Variants in ENPP3 observed in about 807,000 individuals in gnomAD.
ENPP3 encodes ectonucleotide pyrophosphatase/phosphodiesterase family member 3.
Under a neutral mutation model 117.8 loss-of-function variants are expected in ENPP3, and 104 were observed. The ratio of observed to expected loss-of-function variants is 0.88; its 90% CI spans 0.75 to 1.04. ENPP3 has a LOEUF of 1.04. Among genes scored for constraint, ENPP3 ranks in the 50% least tolerant of loss-of-function variants. The pLI is 0.00. For missense variants in ENPP3, 1,026 were observed against 1,051.9 expected (o/e 0.98, Z 0.34); for synonymous variants, 380 against 349.9 (o/e 1.09, Z -0.96).
Position 131,652,615 on chromosome 6 carries a change from T to A in ENPP3, c.351T>A (p.Asp117Glu), listed in dbSNP as rs897364064. ...AGGCCAGCCTTTGCTCTTGTTCAGA[T>A]GACTGTTTGCAGAGGAAAGATTGCT... ...RLEASLCSCS[D>E]DCLQRKDCCA... Residue 117 changes from aspartate (D) to glutamate (E), a missense_variant, in exon 4 of 25, where the codon GAT becomes GAA. Asp to Glu is a conservative substitution (Grantham distance 45, BLOSUM62 2). Coordinates refer to ENST00000357639, the MANE Select transcript of ENPP3 (RefSeq NM_005021.5). 1.2e-6 allele frequency: 2 copies of A among 1,614,106 alleles called. No homozygotes were observed. The highest frequency in any genetic ancestry group is 1.1e-5 in the South Asian group (1 of 91,080).
In ENPP3 at chr6:131,733,439, C is replaced by T; in HGVS notation, c.1954-149C>T. 4.1e-6 allele frequency: 3 copies of T among 735,690 alleles called. No homozygotes were observed. In the South Asian group the frequency reaches 7.5e-5, roughly 18 times the overall value. The allele number at this position is 735,690 out of a possible 1,614,324, so 45.6% of individuals were successfully genotyped here. On this transcript the variant is annotated intron_variant, in intron 20 of 24. Coordinates refer to ENST00000357639, the MANE Select transcript of ENPP3 (RefSeq NM_005021.5). The stretch of plus-strand genomic sequence containing the variant: ...CCACAGAAGAAAACACTGCTGAAGA[C>T]ATCCATTCTCATTGCTTGCGTAGAC...
rs747301116 is a variant in ENPP3, at chr6:131,710,865, T to C, written c.1413-7807T>C. 2.9e-4 allele frequency: 469 copies of C among 1,611,206 alleles called. 2 individuals carry two copies. Among genetic ancestry groups the C allele is most frequent in the Middle Eastern group, 5.2e-4 (3 of 5,724 alleles). ...ACAAAAAAAGGAGAACAACAAAAAATCCAATAACAGCTGCACATACCACCA... is the reference window on the plus strand; with the variant it reads ...ACAAAAAAAGGAGAACAACAAAAAACCCAATAACAGCTGCACATACCACCA... On this transcript the variant is annotated intron_variant, in intron 15 of 24. Transcript: ENST00000357639.
chr6:131,700,865 T>C lies in ENPP3; in HGVS notation c.1412+7241T>C, dbSNP rs568702637. On this transcript the variant is annotated intron_variant, in intron 15 of 24. Coordinates refer to ENST00000357639, the MANE Select transcript of ENPP3 (RefSeq NM_005021.5). The stretch of plus-strand genomic sequence containing the variant: ...AGGCAAGTTTGAGAACAGCCAAGAT[T>C]TCACAAAAAAAGTGATAAATTTTCT... 6.8e-4 allele frequency: 766 copies of C among 1,128,024 alleles called. 60 individuals are homozygous for C. In the East Asian group the frequency reaches 0.015, roughly 22 times the overall value. The allele number at this position is 1,128,024 out of a possible 1,614,324, so 69.9% of individuals were successfully genotyped here.
chr6:131,650,213 T>C (rs554592075), intron 3 of ENPP3, 64 bp downstream of exon 3: 1 of 1,586,446 alleles, frequency 6.3e-7, no homozygotes, highest in East Asian at 2.2e-5. Context: ...CATGTCAAAT[T>C]TTTTTCTTTT....
chr6:131,723,984 A>T lies in ENPP3; in HGVS notation c.1747-56A>T, dbSNP rs1780092415. On this transcript the variant is annotated intron_variant, in intron 18 of 24. Coordinates refer to ENST00000357639, the MANE Select transcript of ENPP3 (RefSeq NM_005021.5). ...AACAATCTTGATTACCCCTTAAAAC[A>T]CATATTGTTGCTTTGACTTATTTCC... is the stretch of plus-strand genomic sequence containing the variant. 4 of 1,267,180 alleles carry T rather than the reference A, an allele frequency of 3.2e-6. No homozygotes were observed. In the South Asian group the frequency reaches 3.7e-5, roughly 12 times the overall value. 78.5% of individuals were successfully genotyped at this position (1,267,180 alleles called of 1,614,324 possible).
chr6:131,738,061 T>C lies in ENPP3; in HGVS notation c.2198T>C (p.Leu733Pro). 4 of 1,606,844 alleles carry C rather than the reference T, an allele frequency of 2.5e-6. No individual in the cohort carries two copies. Among genetic ancestry groups the C allele is most frequent in the Non-Finnish European group, 3.4e-6 (4 of 1,175,058 alleles). Residue 733 changes from leucine (L) to proline (P), a missense_variant, in exon 23 of 25, where the codon CTT becomes CCT. Leu to Pro is a moderately conservative substitution (Grantham distance 98). Transcript: ENST00000357639. The part of the protein sequence containing the change: ...KMWDYFHSVL[L>P]IKHATERNGV... ...TGGGACTACTTCCACAGTGTTCTTCTTATAAAACATGCCACAGAAAGAAAT... is the reference window on the plus strand; with the variant it reads ...TGGGACTACTTCCACAGTGTTCTTCCTATAAAACATGCCACAGAAAGAAAT...
chr6:131,742,725 T>G (rs1411760067), intron 24 of ENPP3, among the ~76,000 whole-genome samples: 1 of 152,020 alleles, frequency 6.6e-6, no homozygotes, highest in Non-Finnish European at 1.5e-5. Context: ...TCAATTGGAG[T>G]CCTTGAAATT....
At chr6:131,738,898 T>C (rs1780461286) in intron 23 of ENPP3, among the ~76,000 whole-genome samples, 1 of 152,182 alleles carries the variant, frequency 6.6e-6, no homozygotes, top group Admixed American at 6.5e-5. Flanking sequence ...TGTGTGGCCT[T>C]TTTCTATTTT....
chr6:131,677,657 T>C (rs1778898921), intron 10 of ENPP3, among the ~76,000 whole-genome samples: 1 of 152,146 alleles, frequency 6.6e-6, no homozygotes, highest in South Asian at 2.1e-4. Flanking sequence ...GGCGTACCAC[T>C]GCTTGTATCT....
intron 14 of ENPP3, among the ~76,000 whole-genome samples, chr6:131,688,896 C>CAAAAAAAAAAAAAAAAAA (rs34743742): frequency 1.1e-5 from 1 of 88,300 alleles, no homozygotes. Context: ...ACTAAAAATC[C>CAAAAAAAAAAAAAAAAAA]AAAAAAAAAA....
At chr6:131,700,548 T>C in intron 15 of ENPP3, 2 of 1,403,354 alleles carry the variant, frequency 1.4e-6, no homozygotes, top group South Asian at 2.5e-5. Context: ...GATAAGGGGA[T>C]TGAGCATGGG....
At chr6:131,736,594 T>TG (rs913629990) in intron 21 of ENPP3, among the ~76,000 whole-genome samples, 13 of 151,906 alleles carry the variant, frequency 8.6e-5, no homozygotes, top group Non-Finnish European at 1.8e-4. Context: ...AAGATGAGAT[T>TG]GGGGGGGACA....
intron 11 of ENPP3, among the ~76,000 whole-genome samples, chr6:131,679,004 T>TG (rs1163107965): frequency 1.4e-4 from 11 of 80,798 alleles, no homozygotes; most frequent in Non-Finnish European, 2.5e-4. Flanking sequence ...CTTCCTTGCT[T>TG]CCTTCCTTCC....
chr6:131,672,124 T>C (rs1023653751), intron 7 of ENPP3, among the ~76,000 whole-genome samples: 1 of 152,214 alleles, frequency 6.6e-6, no homozygotes, highest in African/African-American at 2.4e-5. Context: ...GTATAGTGCA[T>C]TTGTGGTCAT....
chr6:131,690,624 C>CT (rs1416471068), intron 14 of ENPP3, among the ~76,000 whole-genome samples: 1 of 152,088 alleles, frequency 6.6e-6, no homozygotes. Context: ...CAAGGTATGC[C>CT]TGTGGAGTAA....
intron 16 of ENPP3, among the ~76,000 whole-genome samples, chr6:131,719,601 T>A (rs997109290): frequency 2.0e-5 from 3 of 152,134 alleles, no homozygotes; most frequent in African/African-American, 7.2e-5. Context: ...GCAAGAAAAA[T>A]CTATGCTTCC....
chr6:131,677,782 A>C, intron 10 of ENPP3, 86 bp from the exon 11 acceptor site: 1 of 855,800 alleles, frequency 1.2e-6, no homozygotes, highest in South Asian at 1.5e-5. Flanking sequence ...AATGGCTAGC[A>C]AGCCCAAGAT....
chr6:131,688,735 G>T (rs1235283884), intron 14 of ENPP3, among the ~76,000 whole-genome samples: 1 of 151,938 alleles, frequency 6.6e-6, no homozygotes, highest in Non-Finnish European at 1.5e-5. Context: ...AGCTAGCAGG[G>T]GTTTGTTAGT....
chr6:131,637,985 A>G (rs1777962532), intron 1 of ENPP3, among the ~76,000 whole-genome samples: 1 of 145,052 alleles, frequency 6.9e-6, no homozygotes, highest in Non-Finnish European at 1.5e-5. Flanking sequence ...TTTAATTTTA[A>G]ATTTTTTTCT....
Sources: allele counts gnomAD v4.1 joint callset (sites outside exome capture counted in the v4.1 genomes callset), GRCh38; gene constraint gnomAD v4.1.1; transcripts MANE v1.5; gene names NCBI Gene and HGNC (gene_info 2026-07-23, HGNC 2026-07-21).